The following ETV3 variants were observed in gnomAD, a reference collection of about 807,000 sequenced individuals.
ETV3 encodes ETS translocation variant 3.
Under a neutral mutation model 33.0 loss-of-function variants are expected in ETV3, and 8 were observed. The ratio of observed to expected loss-of-function variants is 0.24; its 90% confidence interval spans 0.14 to 0.44. ETV3 has a LOEUF of 0.44. Ranked by LOEUF, ETV3 falls within the 20% of genes least tolerant of loss-of-function variation. ETV3 has a pLI of 1.00. For synonymous variants in ETV3, 222 were observed against 238.9 expected, an observed-to-expected ratio of 0.93 and a Z score of 0.65; for missense variants, 473 against 652.3, an observed-to-expected ratio of 0.73 and a Z score of 2.99.
chr1:157,131,668 C>T (rs565180468), intron 4 of ETV3, among the ~76,000 whole-genome samples: 47 of 152,298 alleles, frequency 3.1e-4, no homozygotes, highest in African/African-American at 1.1e-3. Flanking sequence ...ACTTTGCTGT[C>T]GTTTTCCTAA....
rs1388620159 is a variant in ETV3, at chr1:157,135,125, G to T, written c.284+346C>A. 2.9e-5 allele frequency: 9 copies of T among 311,578 alleles called. No homozygotes were observed. In the East Asian group the frequency reaches 5.5e-4, roughly 19 times the overall value. 19.3% of individuals were successfully genotyped at this position (311,578 alleles called of 1,614,324 possible). The stretch of plus-strand genomic sequence containing the variant: ...AAGCCCAAAGAAAGAAATTCTAACA[G>T]ATTCTAATAGAGAAGTCTAAACTAA... On this transcript the variant is annotated intron_variant, in intron 3 of 4. Coordinates refer to ENST00000368192, the MANE Select transcript of ETV3 (RefSeq NM_001145312.3).
chr1:157,134,883 C>T (rs966434920), intron 3 of ETV3, among the ~76,000 whole-genome samples: 5 of 152,224 alleles, frequency 3.3e-5, no homozygotes, highest in African/African-American at 1.2e-4. Context: ...AGGTCATAAA[C>T]TGCCTTCTAG....
At chr1:157,135,759 A>G (rs529587667) in intron 2 of ETV3, 51 bp from the exon 3 acceptor site, 2 of 1,533,186 alleles carry the variant, frequency 1.3e-6, no homozygotes, top group Non-Finnish European at 1.8e-6. Flanking sequence ...AGGTACATAC[A>G]TACCAGCAAC....
chr1:157,136,202 A>G (rs1675105872), intron 2 of ETV3, 105 bp downstream of exon 2: 1 of 1,086,316 alleles, frequency 9.2e-7, no homozygotes, highest in Middle Eastern at 2.0e-4. Context: ...TAGCCAAGAG[A>G]GTGTCAGTCA....
In ETV3 at chr1:157,124,663, C is replaced by T; in HGVS notation, c.*178G>A. The stretch of plus-strand genomic sequence containing the variant: ...CCAGGAAAATAAGTGTGTTCATATC[C>T]CACCTAATTTACAACAGAAGATAAC... On this transcript the variant is annotated 3_prime_UTR_variant, in exon 5 of 5. Transcript: ENST00000368192. 1.6e-6 allele frequency: 1 copy of T among 619,060 alleles called. No individual in the cohort carries two copies. The highest frequency in any genetic ancestry group is 2.9e-5 in the East Asian group (1 of 34,678). The allele number at this position is 619,060 out of a possible 1,614,324, so 38.3% of individuals were successfully genotyped here.
At chr1:157,131,568 G>A (rs1300937279) in intron 4 of ETV3, among the ~76,000 whole-genome samples, 9 of 152,130 alleles carry the variant, frequency 5.9e-5, no homozygotes, top group African/African-American at 2.2e-4. Flanking sequence ...ATTAAATAAG[G>A]GCTAGACTTC....
chr1:157,135,838 G>T, intron 2 of ETV3, 130 bp from the exon 3 acceptor site: 1 of 903,060 alleles, frequency 1.1e-6, no homozygotes, highest in Non-Finnish European at 1.7e-6. Flanking sequence ...CTCTCAGTCA[G>T]CTGGGCCTAA....
Position 157,124,610 on chromosome 1 carries a change from G to A in ETV3, c.*231C>T, listed in dbSNP as rs1039622976. On this transcript the variant is annotated 3_prime_UTR_variant, in exon 5 of 5. Transcript: ENST00000368192. ...GAAATAGAGGCTCCTTCTCCTTTGA[G>A]TTCAATACCCTCCCTGTGTCCTACT... The A allele has an allele frequency of 2.7e-5, 12 of 442,184 alleles. No individual in the cohort carries two copies. Among genetic ancestry groups the A allele is most frequent in the Admixed American group, 7.8e-5 (2 of 25,526 alleles). 27.4% of individuals were successfully genotyped at this position (442,184 alleles called of 1,614,324 possible).
At position 157,122,105 on chromosome 1, in the gene ETV3, A is replaced by G. The variant is rs893266486; in HGVS notation, c.*2736T>C. ...CAGCAAAATTTGGAAAAAATGGGGG[A>G]GAAAAAATAGGTCTGGTTGTTGTCC... On this transcript the variant is annotated 3_prime_UTR_variant, in exon 5 of 5. Transcript: ENST00000368192. 6.6e-6 allele frequency: 1 copy of G among 152,188 alleles called. No individual in the cohort carries two copies. The highest frequency in any genetic ancestry group is 2.4e-5 in the African/African-American group (1 of 41,438). The allele number at this position is 152,188 out of a possible 1,614,324, so 9.4% of individuals were successfully genotyped here. A position where few individuals can be genotyped will look rare whatever the true frequency, so the allele number is the denominator to read the frequency against.
intron 3 of ETV3, chr1:157,135,193 T>C: frequency 3.6e-6 from 2 of 552,564 alleles, no homozygotes; most frequent in Middle Eastern, 4.7e-4. Flanking sequence ...TTTCACCATA[T>C]ACTCTCGCCC....
chr1:157,133,522 A>T, intron 4 of ETV3: 1 of 985,950 alleles, frequency 1.0e-6, no homozygotes, highest in Non-Finnish European at 1.2e-6. Flanking sequence ...TATAACCAGG[A>T]AAGTCAAGAG....
chr1:157,134,096 A>G lies in ETV3; in HGVS notation c.400+16T>C, dbSNP rs201917206. 8.7e-6 allele frequency: 14 copies of G among 1,603,826 alleles called. No homozygotes were observed. In the Admixed American group the frequency reaches 1.9e-4, roughly 22 times the overall value. ...AATTCAAAATTAATTCCCTACCAAA[A>G]GAGTTTGTATCTTACCACTTGACCG... On this transcript the variant is annotated intron_variant, in intron 4 of 4. Transcript: ENST00000368192.
At position 157,127,602 on chromosome 1, in the gene ETV3, G is replaced by C. The variant is rs934274979; in HGVS notation, c.401-1623C>G. Among the ~76,000 whole-genome samples, 5 of 149,102 alleles carry C rather than the reference G, an allele frequency of 3.4e-5. No homozygotes were observed. The Admixed American group carries it at 3.4e-4, about 10-fold the overall frequency. ...ACTCTGTTGCCCAGGCTGGAGTGCA[G>C]TGGCACCATCTTGGCTCAATGCAAC... On this transcript the variant is annotated intron_variant, in intron 4 of 4. Coordinates refer to ENST00000368192, the MANE Select transcript of ETV3 (RefSeq NM_001145312.3).
In ETV3 at chr1:157,125,324, C is replaced by T; in HGVS notation, c.1056G>A (p.Gly352=). The change falls in exon 5 of 5, where the codon GGG becomes GGA. Residue 352 remains glycine (G), a synonymous_variant. Transcript: ENST00000368192. The surrounding 1 kb of genome is among the most constrained non-coding windows in gnomAD (Gnocchi z 4.0). ...TCTCAACCCTCTCCCGGTTCTTCCG[C>T]CCAACTGGTGGGGGCTGCAGCTTGA... is the stretch of plus-strand genomic sequence containing the variant. ...FSIKLQPPPV[G]RKNRERVESS... is the part of the protein sequence containing the mutation. 6.4e-7 allele frequency: 1 copy of T among 1,552,000 alleles called. No homozygotes were observed. The highest frequency in any genetic ancestry group is 8.7e-7 in the Non-Finnish European group (1 of 1,147,074).
At chr1:157,135,214 A>G (rs1210140547) in intron 3 of ETV3, 1 of 591,848 alleles carries the variant, frequency 1.7e-6, no homozygotes, top group Non-Finnish European at 3.0e-6. Flanking sequence ...ACTACAGAGC[A>G]GAATCAGCTG....
At chr1:157,129,091 T>C (rs533544337) in intron 4 of ETV3, among the ~76,000 whole-genome samples, 6 of 152,254 alleles carry the variant, frequency 3.9e-5, no homozygotes, top group Non-Finnish European at 8.8e-5. Context: ...CAGTGTTTTA[T>C]GTTCATTTGC....
In ETV3 at chr1:157,125,983, T is replaced by C; in HGVS notation, c.401-4A>G. On this transcript the variant is annotated splice_region_variant and splice_polypyrimidine_tract_variant and intron_variant, in intron 4 of 4. Coordinates refer to ENST00000368192, the MANE Select transcript of ETV3 (RefSeq NM_001145312.3). The surrounding 1 kb of genome is among the most constrained non-coding windows in gnomAD (Gnocchi z 4.0). ...GGTGCACTCTGAGGAACCACACCTG[T>C]GATGGTGGAAAATACAAAAGCCTGC... The C allele has an allele frequency of 1.3e-6, 2 of 1,533,576 alleles. No individual in the cohort carries two copies. The highest frequency in any genetic ancestry group is 1.8e-6 in the Non-Finnish European group (2 of 1,139,472). The allele number at this position is 1,533,576 out of a possible 1,614,324, so 95.0% of individuals were successfully genotyped here. A position where few individuals can be genotyped will look rare whatever the true frequency, so the allele number is the denominator to read the frequency against.
chr1:157,136,241 G>C, intron 2 of ETV3, 66 bp downstream of exon 2: 2 of 1,462,472 alleles, frequency 1.4e-6, no homozygotes, highest in South Asian at 1.1e-5. Context: ...CAGAGCTCAA[G>C]TGGAGAGGAC....
intron 1 of ETV3, 26 bp from the exon 2 acceptor site, chr1:157,136,391 C>T: frequency 6.3e-7 from 1 of 1,583,090 alleles, no homozygotes; most frequent in South Asian, 1.2e-5. Flanking sequence ...CACACAATTA[C>T]TTTAAGATGC....
Sources: allele counts gnomAD v4.1 joint callset (sites outside exome capture counted in the v4.1 genomes callset), GRCh38; gene constraint gnomAD v4.1.1; non-coding constraint Gnocchi (gnomAD v3.1); transcripts MANE v1.5; gene names NCBI Gene and HGNC (gene_info 2026-07-23, HGNC 2026-07-21).